The following SNTG1 variants were observed in gnomAD, a reference collection of about 807,000 sequenced individuals.
The protein encoded by SNTG1 is gamma-1-syntrophin.
Under a neutral mutation model 74.7 loss-of-function variants are expected in SNTG1, and 39 were observed. The observed-to-expected ratio is 0.52, with a 90% CI of 0.40 to 0.68. The LOEUF (loss-of-function observed/expected upper bound fraction) is 0.68. Ranked by LOEUF, SNTG1 falls within the 30% of genes least tolerant of loss-of-function variation. The pLI is 0.00. For missense variants in SNTG1, 685 were observed against 609.5 expected, an observed-to-expected ratio of 1.12 and a Z score of -1.30; for synonymous variants, 254 against 217.1, an observed-to-expected ratio of 1.17 and a Z score of -1.49.
At chr8:50,435,968 C>G (rs10090468) in intron 4 of SNTG1, among the ~76,000 whole-genome samples, 129,901 of 151,850 alleles carry the variant, frequency 0.86, 55,669 homozygotes, top group Non-Finnish European at 0.89. Context: ...GAGGACCCTG[C>G]GATGCTTGTT....
intron 2 of SNTG1, among the ~76,000 whole-genome samples, chr8:50,338,849 GT>G (rs1483820341): frequency 2.6e-5 from 4 of 152,072 alleles, no homozygotes; most frequent in African/African-American, 9.7e-5. Context: ...AAGAAAACAT[GT>G]AGGAACAGAA....
At chr8:50,096,252 G>A (rs769079170) in intron 1 of SNTG1, among the ~76,000 whole-genome samples, 25 of 151,686 alleles carry the variant, frequency 1.6e-4, no homozygotes, top group South Asian at 8.3e-4. Flanking sequence ...GGTGAAAGGG[G>A]ATAGATAAAC....
chr8:50,266,646 ATGTG>A (rs748153246), intron 2 of SNTG1, among the ~76,000 whole-genome samples: 4,442 of 69,622 alleles, frequency 0.064, 131 homozygotes, highest in South Asian at 0.13. Context: ...ACACAGAATT[ATGTG>A]TGTGTGTGTG....
At chr8:50,687,154 TAA>T (rs201505626) in intron 15 of SNTG1, among the ~76,000 whole-genome samples, 8 of 120,460 alleles carry the variant, frequency 6.6e-5, no homozygotes, top group South Asian at 2.8e-4. Flanking sequence ...AAAAAAAAAA[TAA>T]AATAAACATG....
chr8:50,022,770 T>C (rs986930774), intron 1 of SNTG1, among the ~76,000 whole-genome samples: 6 of 152,146 alleles, frequency 3.9e-5, no homozygotes, highest in African/African-American at 1.4e-4. Context: ...CTGTTCCCAC[T>C]GGGCTCAAAC....
intron 1 of SNTG1, among the ~76,000 whole-genome samples, chr8:50,114,399 T>C (rs1334863618): frequency 6.6e-6 from 1 of 152,134 alleles, no homozygotes; most frequent in Non-Finnish European, 1.5e-5. Flanking sequence ...CTGGAGGACA[T>C]TGTGCTAAAT....
At chr8:50,545,043 A>G (rs1260758954) in intron 11 of SNTG1, among the ~76,000 whole-genome samples, 1 of 151,986 alleles carries the variant, frequency 6.6e-6, no homozygotes, top group Non-Finnish European at 1.5e-5. Context: ...TATTTTGACT[A>G]TTATGTATAG....
In SNTG1 at chr8:50,792,847, T is replaced by C; in HGVS notation, c.*18T>C. The C allele has an allele frequency of 1.2e-6, 2 of 1,609,482 alleles. No homozygotes were observed. Among genetic ancestry groups the C allele is most frequent in the Non-Finnish European group, 1.7e-6 (2 of 1,177,460 alleles). On this transcript the variant is annotated 3_prime_UTR_variant, in exon 19 of 19. Coordinates refer to ENST00000642720, the MANE Select transcript of SNTG1 (RefSeq NM_018967.5). ...CAACTTGACATACTGAACTCTTCAT[T>C]GACACACCCCATGACTGTATAAGCA...
intron 1 of SNTG1, among the ~76,000 whole-genome samples, chr8:50,083,749 C>T (rs1822620669): frequency 6.6e-6 from 1 of 152,086 alleles, no homozygotes. Context: ...GTGATATAGT[C>T]CTGTTTCCTG....
At chr8:50,737,726 T>C (rs2095532488) in intron 17 of SNTG1, among the ~76,000 whole-genome samples, 1 of 152,162 alleles carries the variant, frequency 6.6e-6, no homozygotes, top group African/African-American at 2.4e-5. Flanking sequence ...CACGTCGGCT[T>C]CATCCCTGGG....
chr8:50,637,960 T>C (rs1226543238), intron 13 of SNTG1, among the ~76,000 whole-genome samples: 1 of 152,150 alleles, frequency 6.6e-6, no homozygotes, highest in Non-Finnish European at 1.5e-5. Context: ...CTTATTCTTA[T>C]AACTTTGCTT....
intron 8 of SNTG1, among the ~76,000 whole-genome samples, chr8:50,470,791 G>C (rs189177984): frequency 1.4e-4 from 21 of 152,292 alleles, no homozygotes; most frequent in South Asian, 4.1e-4. Flanking sequence ...TTATGACAAA[G>C]AGCAAAAGAA....
rs1049971720 is a variant in SNTG1, at chr8:50,606,771, A to G, written c.849+15854A>G. On this transcript the variant is annotated intron_variant, in intron 13 of 18. Transcript: ENST00000642720. Reference sequence around the variant, plus strand: ...TGTTACTAGTTTGTTAAAAATTTTAATCAGAATAAATGTTCAACTGTGTTA... The same window carrying G: ...TGTTACTAGTTTGTTAAAAATTTTAGTCAGAATAAATGTTCAACTGTGTTA... Among the ~76,000 whole-genome samples, 13 of 151,950 alleles carry G rather than the reference A, an allele frequency of 8.6e-5. 1 individual carries two copies. The highest frequency in any genetic ancestry group is 2.9e-4 in the African/African-American group (12 of 41,450).
At position 50,778,453 on chromosome 8, in the gene SNTG1, G is replaced by C. The variant is rs2095647919; in HGVS notation, c.1396-14218G>C. Among the ~76,000 whole-genome samples, 4 of 151,904 alleles carry C rather than the reference G, an allele frequency of 2.6e-5. No individual in the cohort carries two copies. In the South Asian group the frequency reaches 8.3e-4, roughly 32 times the overall value. On this transcript the variant is annotated intron_variant, in intron 18 of 18. Coordinates refer to ENST00000642720, the MANE Select transcript of SNTG1 (RefSeq NM_018967.5). Reference sequence around the variant, plus strand: ...TTGATTTGCATTTCTCTGATGGCCAGTGATGGTGAGCATTTTTTCATGTGT... The same window carrying C: ...TTGATTTGCATTTCTCTGATGGCCACTGATGGTGAGCATTTTTTCATGTGT...
At chr8:50,493,820 A>T (rs2093879962) in intron 8 of SNTG1, among the ~76,000 whole-genome samples, 7 of 151,462 alleles carry the variant, frequency 4.6e-5, no homozygotes, top group Admixed American at 4.6e-4. Flanking sequence ...TTGCTGAAAA[A>T]AAACAAAAAT....
intron 1 of SNTG1, among the ~76,000 whole-genome samples, chr8:50,098,402 C>T (rs2080007545): frequency 6.6e-6 from 1 of 152,126 alleles, no homozygotes; most frequent in African/African-American, 2.4e-5. Flanking sequence ...GATATACTGA[C>T]TTTTTCCTTG....
At chr8:50,360,158 TG>T (rs1318574351) in intron 2 of SNTG1, among the ~76,000 whole-genome samples, 1 of 151,876 alleles carries the variant, frequency 6.6e-6, no homozygotes, top group African/African-American at 2.4e-5. Flanking sequence ...TACAAATCAT[TG>T]TGTTCCTATG....
chr8:50,337,347 A>G (rs1417096626), intron 2 of SNTG1, among the ~76,000 whole-genome samples: 4 of 152,214 alleles, frequency 2.6e-5, no homozygotes, highest in African/African-American at 7.2e-5. Context: ...TGGTTGCTCA[A>G]TGTGGACTAG....
intron 1 of SNTG1, among the ~76,000 whole-genome samples, chr8:50,166,863 G>A: frequency 6.6e-6 from 1 of 151,414 alleles, no homozygotes; most frequent in South Asian, 2.1e-4. Flanking sequence ...CAGCGACTTG[G>A]AACCAACCCA....
Sources: allele counts gnomAD v4.1 joint callset (sites outside exome capture counted in the v4.1 genomes callset), GRCh38; gene constraint gnomAD v4.1.1; transcripts MANE v1.5; gene names NCBI Gene and HGNC (gene_info 2026-07-23, HGNC 2026-07-21).